STXBP5: variants seen among roughly 807,000 people sequenced by gnomAD.
STXBP5 encodes the protein syntaxin-binding protein 5.
STXBP5 carries 50 observed loss-of-function variants against 152.4 expected under a neutral mutation model. The observed-to-expected ratio is 0.33, with a 90% CI of 0.26 to 0.42. The LOEUF is 0.42. STXBP5 is among the 10% of genes least tolerant of loss of function. STXBP5 has a pLI of 1.00. For missense variants in STXBP5, 1,167 were observed against 1,388.6 expected (o/e 0.84, Z 2.54); for synonymous variants, 492 against 494.7 (o/e 0.99, Z 0.07).
At chr6:147,349,631 A>G (rs1784501422) in intron 21 of STXBP5, among the ~76,000 whole-genome samples, 1 of 152,212 alleles carries the variant, frequency 6.6e-6, no homozygotes, top group Non-Finnish European at 1.5e-5. Flanking sequence ...GATAGGGTAT[A>G]AATCCCATGT....
At chr6:147,358,055 A>C (rs1784891380) in intron 22 of STXBP5, among the ~76,000 whole-genome samples, 1 of 152,320 alleles carries the variant, frequency 6.6e-6, no homozygotes, top group Admixed American at 6.5e-5. Flanking sequence ...AGCTGGGTAA[A>C]GGAATTTGCC....
intron 7 of STXBP5, among the ~76,000 whole-genome samples, chr6:147,268,702 A>G (rs1400804327): frequency 6.6e-6 from 1 of 152,210 alleles, no homozygotes; most frequent in African/African-American, 2.4e-5. Context: ...GGTTTTGCTT[A>G]TTATTTTAAA....
intron 8 of STXBP5, among the ~76,000 whole-genome samples, chr6:147,289,571 A>T (rs1781171362): frequency 6.6e-6 from 1 of 152,192 alleles, no homozygotes. Flanking sequence ...CAGAATGTTA[A>T]TAAGCCTGGA....
At chr6:147,279,408 C>G (rs1780596801) in intron 8 of STXBP5, among the ~76,000 whole-genome samples, 1 of 152,088 alleles carries the variant, frequency 6.6e-6, no homozygotes. Context: ...GCTAGTATTT[C>G]ATTGTTTGCT....
intron 15 of STXBP5, among the ~76,000 whole-genome samples, chr6:147,315,951 A>C (rs1017445524): frequency 6.6e-6 from 1 of 152,192 alleles, no homozygotes; most frequent in Non-Finnish European, 1.5e-5. Flanking sequence ...TGTTTCCTTT[A>C]AGGAAAGCTA....
chr6:147,353,063 G>A (rs1016639493), intron 21 of STXBP5, among the ~76,000 whole-genome samples: 7 of 152,000 alleles, frequency 4.6e-5, no homozygotes, highest in Non-Finnish European at 8.8e-5. Flanking sequence ...AGGATCACTT[G>A]AGCCCAGATG....
intron 9 of STXBP5, among the ~76,000 whole-genome samples, chr6:147,309,135 C>T (rs1243327471): frequency 6.6e-5 from 10 of 151,898 alleles, no homozygotes; most frequent in Non-Finnish European, 1.5e-5. Context: ...GATATTATTA[C>T]GTATGGCTTA....
chr6:147,319,735 T>C (rs1428303677), intron 16 of STXBP5, among the ~76,000 whole-genome samples: 1 of 151,024 alleles, frequency 6.6e-6, no homozygotes, highest in Non-Finnish European at 1.5e-5. Flanking sequence ...AAGACACACA[T>C]AGGAGATTCA....
intron 6 of STXBP5, among the ~76,000 whole-genome samples, chr6:147,266,419 G>C (rs1219302922): frequency 6.6e-6 from 1 of 152,060 alleles, no homozygotes; most frequent in Admixed American, 6.6e-5. Flanking sequence ...CCAGGGAAGA[G>C]GCCCTAGAGA....
At chr6:147,325,877 A>C (rs1351000493) in intron 17 of STXBP5, among the ~76,000 whole-genome samples, 2 of 152,228 alleles carry the variant, frequency 1.3e-5, no homozygotes, top group Non-Finnish European at 2.9e-5. Flanking sequence ...AAATATTCAG[A>C]AAATATAACC....
At chr6:147,220,275 T>C (rs1332125972) in intron 2 of STXBP5, among the ~76,000 whole-genome samples, 1 of 152,140 alleles carries the variant, frequency 6.6e-6, no homozygotes, top group Non-Finnish European at 1.5e-5. Flanking sequence ...TTTTTTGAGG[T>C]ATATTTTATG....
At chr6:147,313,535 A>T (rs1425899175) in intron 11 of STXBP5, among the ~76,000 whole-genome samples, 1 of 152,234 alleles carries the variant, frequency 6.6e-6, no homozygotes, top group East Asian at 1.9e-4. Context: ...TTATTCCACC[A>T]TTTGCTAGCA....
At chr6:147,275,618 C>G (rs1780404571) in intron 7 of STXBP5, among the ~76,000 whole-genome samples, 1 of 130,050 alleles carries the variant, frequency 7.7e-6, no homozygotes, top group Non-Finnish European at 1.5e-5. Context: ...AGTGCAGTGG[C>G]ACAGTCTCAG....
At chr6:147,205,893 C>T (rs1776527983) in intron 1 of STXBP5, 78 bp from the exon 2 acceptor site, 1 of 1,091,048 alleles carries the variant, frequency 9.2e-7, no homozygotes, top group Non-Finnish European at 1.4e-6. Flanking sequence ...GTTCTAAATT[C>T]TAACGCCTCT....
intron 22 of STXBP5, among the ~76,000 whole-genome samples, chr6:147,356,171 T>G (rs1784806435): frequency 6.6e-6 from 1 of 152,154 alleles, no homozygotes; most frequent in Non-Finnish European, 1.5e-5. Context: ...ATTCAAACAT[T>G]GCTCATTTGA....
At chr6:147,235,412 A>G in intron 3 of STXBP5, 81 bp downstream of exon 3, 11 of 1,105,894 alleles carry the variant, frequency 9.9e-6, no homozygotes, top group Non-Finnish European at 1.5e-5. Context: ...ACATGCATTC[A>G]CAATTTATTT....
intron 18 of STXBP5, 114 bp downstream of exon 18, chr6:147,327,390 T>C: frequency 8.0e-7 from 1 of 1,247,176 alleles, no homozygotes. Context: ...TTAGTCTGTA[T>C]ATATAAACTG....
At chr6:147,345,159 T>G (rs982092266) in intron 21 of STXBP5, among the ~76,000 whole-genome samples, 1 of 152,196 alleles carries the variant, frequency 6.6e-6, no homozygotes, top group Non-Finnish European at 1.5e-5. Flanking sequence ...CATCATTCTA[T>G]ATAAGTAAAA....
chr6:147,311,664 A>C (rs1481589140), intron 11 of STXBP5, 137 bp downstream of exon 11: 10 of 596,022 alleles, frequency 1.7e-5, no homozygotes, highest in Non-Finnish European at 2.9e-5. Context: ...TGAGAGCTCC[A>C]GACTCACATA....
Sources: gnomAD v4.1 joint callset for allele counts (sites outside exome capture counted in the v4.1 genomes callset) on GRCh38, gnomAD v4.1.1 for gene constraint, MANE v1.5 for transcripts, NCBI Gene and HGNC (gene_info 2026-07-23, HGNC 2026-07-21) for gene names.